Variants in PGCKA1 observed in about 807,000 individuals in gnomAD.
PGCKA1 encodes PDCD10 and GCKIII kinases-associated protein 1.
At chr4:37,593,009 G>A in the PGCKA1 span, among the ~76,000 whole-genome samples, 1 of 152,202 alleles carries the variant, frequency 6.6e-6, no homozygotes, top group African/African-American at 2.4e-5. Flanking sequence ...AATGCTTAAT[G>A]AGCCTATGGG....
the PGCKA1 span, among the ~76,000 whole-genome samples, chr4:37,554,718 T>G: frequency 1.3e-5 from 2 of 152,198 alleles, no homozygotes; most frequent in Non-Finnish European, 2.9e-5. Context: ...GAAAGTGGTG[T>G]GTGAAATGAG....
At chr4:37,577,746 T>G in the PGCKA1 span, among the ~76,000 whole-genome samples, 1 of 152,204 alleles carries the variant, frequency 6.6e-6, no homozygotes, top group Non-Finnish European at 1.5e-5. Context: ...GTCTCGTGTT[T>G]CCATGATCAT....
the PGCKA1 span, among the ~76,000 whole-genome samples, chr4:37,565,373 A>AG: frequency 2.6e-4 from 39 of 152,182 alleles, no homozygotes; most frequent in East Asian, 6.4e-3. Context: ...CTCATGTAGA[A>AG]GGGGGGGCTC....
the PGCKA1 span, among the ~76,000 whole-genome samples, chr4:37,553,549 C>T: frequency 1.3e-5 from 2 of 152,040 alleles, no homozygotes; most frequent in African/African-American, 4.8e-5. Flanking sequence ...ATATTAGATG[C>T]CATTGATTGT....
chr4:37,580,461 G>A, the PGCKA1 span, among the ~76,000 whole-genome samples: 1 of 152,056 alleles, frequency 6.6e-6, no homozygotes, highest in Non-Finnish European at 1.5e-5. Context: ...CTTGTGTGTT[G>A]TGATCTGAGC....
chr4:37,590,978 A>G, the PGCKA1 span: 3 of 1,612,636 alleles, frequency 1.9e-6, no homozygotes, highest in Admixed American at 5.0e-5. Context: ...ACTGCAGGAG[A>G]AGATTTGGAT....
At chr4:37,590,430 T>C in the PGCKA1 span, 1 of 1,611,400 alleles carries the variant, frequency 6.2e-7, no homozygotes, top group Non-Finnish European at 8.5e-7. Flanking sequence ...CCTGGGCCAG[T>C]ACTGCAAATA....
the PGCKA1 span, among the ~76,000 whole-genome samples, chr4:37,564,292 AAAG>A: frequency 2.5e-5 from 1 of 39,934 alleles, no homozygotes; most frequent in East Asian, 1.5e-3. Context: ...AAAAAAAAAG[AAAG>A]AAAAAAAACC....
the PGCKA1 span, among the ~76,000 whole-genome samples, chr4:37,488,779 T>A: frequency 6.6e-6 from 1 of 152,132 alleles, no homozygotes; most frequent in Non-Finnish European, 1.5e-5. Context: ...CTTTCCTCCG[T>A]CTTTAACCTC....
At chr4:37,521,373 C>T in the PGCKA1 span, among the ~76,000 whole-genome samples, 1 of 152,164 alleles carries the variant, frequency 6.6e-6, no homozygotes, top group Non-Finnish European at 1.5e-5. Context: ...GCCTGGGAGA[C>T]CTCACTGCCC....
chr4:37,500,434 G>A, the PGCKA1 span, among the ~76,000 whole-genome samples: 1 of 152,204 alleles, frequency 6.6e-6, no homozygotes, highest in African/African-American at 2.4e-5. Flanking sequence ...GATTTTGAGT[G>A]AATTTCTCAG....
At chr4:37,531,731 A>G in the PGCKA1 span, among the ~76,000 whole-genome samples, 1 of 151,366 alleles carries the variant, frequency 6.6e-6, no homozygotes, top group Middle Eastern at 3.4e-3. Context: ...TCTCTACTAA[A>G]AATACAAAAA....
the PGCKA1 span, among the ~76,000 whole-genome samples, chr4:37,501,455 C>T: frequency 6.6e-6 from 1 of 152,038 alleles, no homozygotes; most frequent in Non-Finnish European, 1.5e-5. Context: ...TGAGGTGGAA[C>T]AGTTTCATCC....
chr4:37,526,819 A>G, the PGCKA1 span, among the ~76,000 whole-genome samples: 3 of 152,210 alleles, frequency 2.0e-5, no homozygotes, highest in East Asian at 5.8e-4. Flanking sequence ...TGTATTTACT[A>G]TGCTATACTT....
chr4:37,571,682 T>C, the PGCKA1 span, among the ~76,000 whole-genome samples: 7 of 151,844 alleles, frequency 4.6e-5, no homozygotes, highest in East Asian at 1.4e-3. Context: ...GGACTACAAA[T>C]GCCCGCCACC....
the PGCKA1 span, among the ~76,000 whole-genome samples, chr4:37,538,032 C>CCAT: frequency 1.3e-5 from 2 of 151,656 alleles, no homozygotes; most frequent in Non-Finnish European, 2.9e-5. Context: ...ACTGTCACCA[C>CCAT]CATCACCACC....
At chr4:37,543,233 A>T in the PGCKA1 span, among the ~76,000 whole-genome samples, 1 of 152,068 alleles carries the variant, frequency 6.6e-6, no homozygotes, top group African/African-American at 2.4e-5. Context: ...ATCATCTTCC[A>T]CAGTGGAAGA....
the PGCKA1 span, among the ~76,000 whole-genome samples, chr4:37,578,887 T>A: frequency 6.6e-6 from 1 of 152,158 alleles, no homozygotes; most frequent in African/African-American, 2.4e-5. Flanking sequence ...TGAAACCCCA[T>A]CTCTACTAAA....
the PGCKA1 span, among the ~76,000 whole-genome samples, chr4:37,545,254 G>A: frequency 3.0e-3 from 460 of 152,250 alleles, 4 homozygotes; most frequent in African/African-American, 0.01. Flanking sequence ...GGAGCAGGCT[G>A]CAGTCCCCAA....
Sources: gnomAD v4.1 joint callset for allele counts (sites outside exome capture counted in the v4.1 genomes callset) on GRCh38, gnomAD v4.1.1 for gene constraint, MANE v1.5 for transcripts, NCBI Gene and HGNC (gene_info 2026-07-23, HGNC 2026-07-21) for gene names.